Variants in RREB1 observed in about 807,000 individuals in gnomAD.
RREB1 encodes ras responsive element binding protein 1.
A neutral mutation model predicts 117.8 loss-of-function variants in RREB1; 27 were observed. The ratio of observed to expected loss-of-function variants is 0.23; its 90% CI spans 0.17 to 0.32. The LOEUF (loss-of-function observed/expected upper bound fraction) is 0.32, where lower values mean the gene tolerates loss of function less well. Ranked by LOEUF, RREB1 falls within the 10% of genes least tolerant of loss-of-function variation. RREB1 has a pLI of 1.00. For synonymous variants in RREB1, 1,298 were observed against 1,026.7 expected, an observed-to-expected ratio of 1.26 and a Z score of -5.05; for missense variants, 2,577 against 2,378.2, an observed-to-expected ratio of 1.08 and a Z score of -1.74.
In RREB1 at chr6:7,117,388, G is replaced by GTTT. The variant is rs70978941; in HGVS notation, c.-285+9363_-285+9365dup. Among the ~76,000 whole-genome samples the GTTT allele has an allele frequency of 9.0e-4, 57 of 63,298 alleles. 6 individuals carry two copies. Among genetic ancestry groups the GTTT allele is most frequent in the East Asian group, 6.1e-3 (6 of 978 alleles). 41.5% of individuals were successfully genotyped at this position (63,298 alleles called of 152,430 possible). ...GGTGAACCATGTGAATAGGTTTCCT[G>GTTT]TTTTTTTTTTTTTTTTTTTTTTTTT... On this transcript the variant is annotated intron_variant, in intron 1 of 12. Transcript: ENST00000379938.
At chr6:7,153,556 TAGTG>T (rs1229988404) in intron 1 of RREB1, among the ~76,000 whole-genome samples, 1 of 152,164 alleles carries the variant, frequency 6.6e-6, no homozygotes, top group East Asian at 1.9e-4. Flanking sequence ...TTTTTTTAGT[TAGTG>T]AGAAACAGAC....
chr6:7,148,618 C>T (rs1390225857), intron 1 of RREB1, among the ~76,000 whole-genome samples: 2 of 151,884 alleles, frequency 1.3e-5, no homozygotes, highest in African/African-American at 4.9e-5. Flanking sequence ...CCTGAGTCAC[C>T]CCCACAAAAG....
chr6:7,134,799 T>G (rs1302830863), intron 1 of RREB1, among the ~76,000 whole-genome samples: 1 of 152,228 alleles, frequency 6.6e-6, no homozygotes, highest in African/African-American at 2.4e-5. Flanking sequence ...AACCCTAAAG[T>G]CTAATGTCAG....
intron 7 of RREB1, 148 bp downstream of exon 7, chr6:7,211,096 C>T (rs1481932029): frequency 1.1e-5 from 9 of 789,446 alleles, no homozygotes; most frequent in Admixed American, 2.8e-5. Context: ...TGTAAAGTGT[C>T]TAAGAAAAGA....
At chr6:7,153,423 C>CACAT (rs1554118523) in intron 1 of RREB1, among the ~76,000 whole-genome samples, 1 of 151,676 alleles carries the variant, frequency 6.6e-6, no homozygotes, top group African/African-American at 2.4e-5. Flanking sequence ...TACACACACA[C>CACAT]ACACACACAC....
At position 7,182,052 on chromosome 6, in the gene RREB1, A is replaced by C; in HGVS notation, c.141A>C (p.Pro47=). The C allele has an allele frequency of 6.2e-7, 1 of 1,614,200 alleles. No individual in the cohort carries two copies. Among genetic ancestry groups the C allele is most frequent in the Non-Finnish European group, 8.5e-7 (1 of 1,180,028 alleles). ...GGATCAAGTCCCCCTCGAAGCCTCC[A>C]GGACCAAATCGGATTGGCAGAAGGA... ...PQGIKSPSKP[P]GPNRIGRRNQ... is the part of the protein sequence containing the mutation. The change falls in exon 4 of 13, where the codon CCA becomes CCC. Residue 47 remains proline (P), a synonymous_variant. Coordinates refer to ENST00000379938, the MANE Select transcript of RREB1 (RefSeq NM_001003699.4).
In RREB1 at chr6:7,229,153, C is replaced by T; in HGVS notation, c.1054C>T (p.Pro352Ser). 6.2e-7 allele frequency: 1 copy of T among 1,610,496 alleles called. No homozygotes were observed. Among genetic ancestry groups the T allele is most frequent in the Non-Finnish European group, 8.5e-7 (1 of 1,177,282 alleles). ...DQGQEKPQAT[P>S]LPGDALDQKG... ...GGGTCAAGAAAAGCCGCAGGCCACG[C>T]CCCTGCCTGGTGACGCCCTGGACCA... Residue 352 changes from proline to serine, a missense_variant, in exon 10 of 13, where the codon CCC (proline) becomes TCC (serine). Pro to Ser is a moderately conservative substitution (Grantham distance 74). Transcript: ENST00000379938. This position sits in a 1 kb window ranked among gnomAD's most constrained non-coding sequence, Gnocchi z 4.5.
At chr6:7,132,025 GT>G (rs1250848308) in intron 1 of RREB1, among the ~76,000 whole-genome samples, 1 of 151,970 alleles carries the variant, frequency 6.6e-6, no homozygotes, top group Non-Finnish European at 1.5e-5. Context: ...CTCCCAGCTA[GT>G]TTTTGTATTT....
At chr6:7,222,150 G>A (rs538646518) in intron 8 of RREB1, among the ~76,000 whole-genome samples, 244 of 152,170 alleles carry the variant, frequency 1.6e-3, no homozygotes, top group Non-Finnish European at 2.3e-3. Flanking sequence ...AGTTTAAGAC[G>A]TTTCTAGATA....
chr6:7,131,088 G>A (rs529887801), intron 1 of RREB1, among the ~76,000 whole-genome samples: 1 of 151,594 alleles, frequency 6.6e-6, no homozygotes, highest in Non-Finnish European at 1.5e-5. Flanking sequence ...ACAGGCGCCC[G>A]CCACTGCGCC....
intron 1 of RREB1, among the ~76,000 whole-genome samples, chr6:7,174,267 T>TA (rs1478914546): frequency 2.6e-5 from 4 of 151,464 alleles, no homozygotes; most frequent in African/African-American, 9.7e-5. Flanking sequence ...CCCTCAGGCC[T>TA]AATAGAACCC....
rs760735637 is a variant in RREB1 at position 7,226,527 on chromosome 6, T to C, written c.768T>C (p.Leu256=). 2 of 1,614,216 alleles carry C rather than the reference T, an allele frequency of 1.2e-6. No individual in the cohort carries two copies. The highest frequency in any genetic ancestry group is 1.7e-6 in the Non-Finnish European group (2 of 1,180,038). The change falls in exon 9 of 13, where the codon CTT becomes CTC. Residue 256 remains leucine, a synonymous_variant. Coordinates refer to ENST00000379938, the MANE Select transcript of RREB1 (RefSeq NM_001003699.4). ...THRGLLRHNA[L]VHKQLPRDAM... ...GAGGACTGCTGCGTCACAACGCGCT[T>C]GTCCACAAACAACTTCCCAGGGATG...
At chr6:7,157,763 T>TG (rs1305742701) in intron 1 of RREB1, among the ~76,000 whole-genome samples, 1 of 151,572 alleles carries the variant, frequency 6.6e-6, no homozygotes, top group Non-Finnish European at 1.5e-5. Flanking sequence ...TCTGTCTCTT[T>TG]GGGAAAAAAA....
chr6:7,163,467 C>CT (rs1763764523), intron 1 of RREB1, among the ~76,000 whole-genome samples: 1 of 152,250 alleles, frequency 6.6e-6, no homozygotes, highest in South Asian at 2.1e-4. Context: ...TCTTGGCTCA[C>CT]TGCAAGCTCT....
Position 7,185,538 on chromosome 6 carries a change from C to G in RREB1, c.172-1896C>G, listed in dbSNP as rs1443271025. ...TGAGCCAAGATCGTGCCACTGTACT[C>G]CAGCCTGGGCAACAGAGTGAGACTC... On this transcript the variant is annotated intron_variant, in intron 4 of 12. Transcript: ENST00000379938. 5.3e-5 allele frequency among the ~76,000 whole-genome samples: 8 copies of G among 151,976 alleles called. No individual in the cohort carries two copies. In the East Asian group the frequency reaches 1.5e-3, roughly 29 times the overall value.
At position 7,230,898 on chromosome 6, in the gene RREB1, G is replaced by T; in HGVS notation, c.2799G>T (p.Glu933Asp). ...SSLVPYDCSM[E>D]PIDLSIPKNF... The stretch of plus-strand genomic sequence containing the variant: ...TGGTCCCCTATGACTGCTCCATGGA[G>T]CCCATCGACCTGTCCATCCCCAAGA... The change falls in exon 10 of 13, where the codon GAG (glutamate) becomes GAT (aspartate). Residue 933 changes from glutamate (E) to aspartate (D), a missense_variant. Glu to Asp is a conservative substitution (Grantham distance 45). Coordinates refer to ENST00000379938, the MANE Select transcript of RREB1 (RefSeq NM_001003699.4). The T allele has an allele frequency of 6.2e-7, 1 of 1,614,122 alleles. No individual in the cohort carries two copies.
chr6:7,212,506 T>C (rs749801743), intron 8 of RREB1: 5 of 152,218 alleles, frequency 3.3e-5, no homozygotes, highest in Non-Finnish European at 7.3e-5. Context: ...ATTGCCACTT[T>C]AAAACTGTTA....
At chr6:7,221,472 G>A (rs959009240) in intron 8 of RREB1, among the ~76,000 whole-genome samples, 20 of 152,220 alleles carry the variant, frequency 1.3e-4, no homozygotes, top group Admixed American at 4.6e-4. Flanking sequence ...GCGCCCGGCC[G>A]CAAGTGTTTT....
chr6:7,117,554 T>C (rs1761468583), intron 1 of RREB1, among the ~76,000 whole-genome samples: 1 of 151,466 alleles, frequency 6.6e-6, no homozygotes, highest in Non-Finnish European at 1.5e-5. Flanking sequence ...TACAGGCGCC[T>C]ACCACCACAC....
Sources: gnomAD v4.1 joint callset for allele counts (sites outside exome capture counted in the v4.1 genomes callset) on GRCh38, gnomAD v4.1.1 for gene constraint, Gnocchi (gnomAD v3.1) non-coding constraint, MANE v1.5 for transcripts, NCBI Gene and HGNC (gene_info 2026-07-23, HGNC 2026-07-21) for gene names.